LRMDA: variants seen among roughly 807,000 people sequenced by gnomAD.
LRMDA encodes the protein leucine-rich melanocyte differentiation-associated protein.
A neutral mutation model predicts 29.8 loss-of-function variants in LRMDA; 18 were observed. That is an observed-to-expected ratio of 0.60 (90% CI 0.42 to 0.90). The LOEUF is 0.90. Among genes scored for constraint, LRMDA ranks in the 40% least tolerant of loss-of-function variants. The pLI is 0.00. For synonymous variants in LRMDA, 125 were observed against 109.4 expected (o/e 1.14, Z -0.89); for missense variants, 273 against 273.9 (o/e 1.00, Z 0.02).
chr10:75,633,526 C>T (rs1387133572), intron 2 of LRMDA, among the ~76,000 whole-genome samples: 4 of 152,190 alleles, frequency 2.6e-5, no homozygotes, highest in Non-Finnish European at 5.9e-5. Context: ...TACATTCATG[C>T]ACTGAATGTC....
At chr10:76,507,065 T>C (rs146315328) in intron 6 of LRMDA, among the ~76,000 whole-genome samples, 8 of 152,318 alleles carry the variant, frequency 5.3e-5, no homozygotes, top group African/African-American at 1.9e-4. Context: ...ACCGTAAGTA[T>C]ATGAATGTTC....
chr10:75,830,592 T>C (rs898731450), intron 2 of LRMDA, among the ~76,000 whole-genome samples: 13 of 152,166 alleles, frequency 8.5e-5, no homozygotes, highest in Non-Finnish European at 1.9e-4. Context: ...CCATCAGATC[T>C]TGTGAGGCCC....
At chr10:75,581,942 T>C (rs915090488) in intron 2 of LRMDA, among the ~76,000 whole-genome samples, 2 of 151,522 alleles carry the variant, frequency 1.3e-5, no homozygotes, top group African/African-American at 4.8e-5. Flanking sequence ...TTAAAAAATA[T>C]CTTAAAGCTC....
In LRMDA at chr10:76,425,677, TGTGTC is replaced by T. The variant is rs1401952671; in HGVS notation, c.601+101193_601+101197del. Among the ~76,000 whole-genome samples, 47 of 152,242 alleles carry T rather than the reference TGTGTC, an allele frequency of 3.1e-4. No homozygotes were observed. The East Asian group carries it at 3.5e-3, about 11-fold the overall frequency. ...TTCAAGTTTGTTACATATGTATACA[TGTGTC>T]ATGTTGGTGTGCTGCACCCATTAAC... On this transcript the variant is annotated intron_variant, in intron 6 of 6. Coordinates refer to ENST00000611255, the MANE Select transcript of LRMDA (RefSeq NM_001305581.2).
At chr10:76,517,836 A>AT (rs1843076879) in intron 6 of LRMDA, among the ~76,000 whole-genome samples, 1 of 151,624 alleles carries the variant, frequency 6.6e-6, no homozygotes, top group Admixed American at 6.6e-5. Context: ...TTAATATAAG[A>AT]TTTTTTAGAT....
At chr10:75,649,128 C>T (rs1459212232) in intron 2 of LRMDA, among the ~76,000 whole-genome samples, 1 of 152,154 alleles carries the variant, frequency 6.6e-6, no homozygotes, top group Non-Finnish European at 1.5e-5. Context: ...CTCCCCTTAG[C>T]CCCTAGCAAC....
chr10:75,526,868 A>C (rs568843754), intron 2 of LRMDA, among the ~76,000 whole-genome samples: 8 of 152,214 alleles, frequency 5.3e-5, no homozygotes, highest in South Asian at 4.1e-4. Flanking sequence ...CAAAAAAAAA[A>C]AAAACAAAAC....
chr10:75,492,428 A>G (rs896633936), intron 2 of LRMDA, among the ~76,000 whole-genome samples: 1 of 152,202 alleles, frequency 6.6e-6, no homozygotes, highest in African/African-American at 2.4e-5. Flanking sequence ...AGTATGTTAA[A>G]TGAAGTTTTA....
intron 5 of LRMDA, among the ~76,000 whole-genome samples, chr10:76,121,317 T>C (rs1467416328): frequency 1.3e-5 from 2 of 152,154 alleles, no homozygotes; most frequent in Non-Finnish European, 2.9e-5. Context: ...ATGAGGCAAT[T>C]GTCTGGCAGA....
chr10:76,516,363 C>CT (rs1308741975), intron 6 of LRMDA, among the ~76,000 whole-genome samples: 1 of 149,666 alleles, frequency 6.7e-6, no homozygotes, highest in Non-Finnish European at 1.5e-5. Flanking sequence ...TATTATTATA[C>CT]TTTAAGTTTT....
chr10:75,899,221 T>G (rs1229808510), intron 2 of LRMDA, among the ~76,000 whole-genome samples: 2 of 152,244 alleles, frequency 1.3e-5, no homozygotes, highest in Non-Finnish European at 2.9e-5. Flanking sequence ...TATTAGTGTT[T>G]GCTTTTCCAG....
intron 2 of LRMDA, among the ~76,000 whole-genome samples, chr10:75,828,915 G>A (rs1451244589): frequency 6.6e-6 from 1 of 152,120 alleles, no homozygotes; most frequent in Non-Finnish European, 1.5e-5. Context: ...GTGGAATTGG[G>A]GAAACAAGGG....
intron 2 of LRMDA, among the ~76,000 whole-genome samples, chr10:75,452,461 C>T (rs1334182364): frequency 6.6e-6 from 1 of 151,802 alleles, no homozygotes; most frequent in South Asian, 2.1e-4. Context: ...TTTTTTTTCC[C>T]CTTTGCTTCT....
intron 5 of LRMDA, among the ~76,000 whole-genome samples, chr10:76,085,181 C>T (rs777982758): frequency 3.9e-5 from 6 of 152,124 alleles, no homozygotes; most frequent in South Asian, 2.1e-4. Flanking sequence ...ATGACAGAGA[C>T]GTGACATAAA....
chr10:75,554,166 T>A (rs1188811807), intron 2 of LRMDA, among the ~76,000 whole-genome samples: 1 of 152,130 alleles, frequency 6.6e-6, no homozygotes, highest in Non-Finnish European at 1.5e-5. Context: ...TTTTGTAGAT[T>A]ATCTGGCTTT....
At chr10:75,725,717 C>CTG (rs1842623446) in intron 2 of LRMDA, among the ~76,000 whole-genome samples, 1 of 152,122 alleles carries the variant, frequency 6.6e-6, no homozygotes, top group South Asian at 2.1e-4. Flanking sequence ...TTGGCTGTTC[C>CTG]TGTGTAACTT....
intron 6 of LRMDA, among the ~76,000 whole-genome samples, chr10:76,422,147 C>T (rs1320972995): frequency 6.6e-6 from 1 of 152,022 alleles, no homozygotes; most frequent in African/African-American, 2.4e-5. Flanking sequence ...CTAATTTTGT[C>T]CACCAAGACT....
At chr10:76,345,319 G>A (rs6480806) in intron 6 of LRMDA, among the ~76,000 whole-genome samples, 21,787 of 149,444 alleles carry the variant, frequency 0.15, 2,680 homozygotes, top group African/African-American at 0.34. Context: ...TGATCCGCCC[G>A]CCTCGGCCTC....
intron 5 of LRMDA, among the ~76,000 whole-genome samples, chr10:76,232,684 T>C (rs1373391469): frequency 1.3e-5 from 2 of 152,164 alleles, no homozygotes; most frequent in Non-Finnish European, 2.9e-5. Context: ...TACACACTGG[T>C]TCCCGAGTTC....
Sources: gnomAD v4.1 joint callset for allele counts (sites outside exome capture counted in the v4.1 genomes callset) on GRCh38, gnomAD v4.1.1 for gene constraint, MANE v1.5 for transcripts, NCBI Gene and HGNC (gene_info 2026-07-23, HGNC 2026-07-21) for gene names.